The following DKK2 variants were observed in gnomAD, a reference collection of about 807,000 sequenced individuals.
The protein encoded by DKK2 is dickkopf-related protein 2.
In DKK2, 11 loss-of-function variants were observed where a neutral mutation model predicts 28.1. The ratio of observed to expected loss-of-function variants is 0.39; its 90% CI spans 0.25 to 0.65. The LOEUF is 0.65. DKK2 is among the 30% of genes least tolerant of loss of function. The pLI, the probability that DKK2 is intolerant of heterozygous loss-of-function variation, is 0.47. For synonymous variants in DKK2, 135 were observed against 126.5 expected, an observed-to-expected ratio of 1.07 and a Z score of -0.45; for missense variants, 326 against 335.5, an observed-to-expected ratio of 0.97 and a Z score of 0.22.
chr4:106,944,289 G>A (rs576067884), intron 1 of DKK2, among the ~76,000 whole-genome samples: 2 of 152,122 alleles, frequency 1.3e-5, no homozygotes, highest in South Asian at 4.1e-4. Flanking sequence ...AACAAATTGA[G>A]TTAAACAAGG....
chr4:107,024,471 A>C (rs2110374951), intron 1 of DKK2, among the ~76,000 whole-genome samples: 1 of 152,276 alleles, frequency 6.6e-6, no homozygotes, highest in South Asian at 2.1e-4. Context: ...AAAAGCAAAC[A>C]AAAAAACTTC....
At chr4:106,970,665 T>G (rs1022309594) in intron 1 of DKK2, among the ~76,000 whole-genome samples, 5 of 152,048 alleles carry the variant, frequency 3.3e-5, no homozygotes, top group Non-Finnish European at 7.4e-5. Flanking sequence ...ATCTTGTTTG[T>G]GGACTGCTAT....
chr4:106,949,842 T>G (rs1252854303), intron 1 of DKK2, among the ~76,000 whole-genome samples: 1 of 152,208 alleles, frequency 6.6e-6, no homozygotes, highest in African/African-American at 2.4e-5. Context: ...TGTGTCTATC[T>G]ATTAGGACCA....
At chr4:106,950,262 C>A (rs1366530116) in intron 1 of DKK2, among the ~76,000 whole-genome samples, 1 of 152,126 alleles carries the variant, frequency 6.6e-6, no homozygotes, top group African/African-American at 2.4e-5. Context: ...AACCTTGGAG[C>A]AATTCTAATT....
At chr4:107,002,119 C>A (rs79618406) in intron 1 of DKK2, among the ~76,000 whole-genome samples, 3,198 of 152,144 alleles carry the variant, frequency 0.021, 121 homozygotes, top group African/African-American at 0.073. Context: ...CATCTTCCTT[C>A]AAAGAAAAGA....
At chr4:106,936,564 T>G (rs1560575279) in intron 1 of DKK2, among the ~76,000 whole-genome samples, 1 of 152,176 alleles carries the variant, frequency 6.6e-6, no homozygotes, top group African/African-American at 2.4e-5. Flanking sequence ...CCAGGAGAAC[T>G]TCCCCAATCT....
intron 1 of DKK2, among the ~76,000 whole-genome samples, chr4:107,034,324 G>A (rs1168011022): frequency 3.1e-4 from 47 of 152,002 alleles, no homozygotes; most frequent in Non-Finnish European, 4.4e-5. Flanking sequence ...CTTGTGTTGT[G>A]CGAGGTGCGT....
At chr4:107,003,746 C>T (rs1224214048) in intron 1 of DKK2, among the ~76,000 whole-genome samples, 2 of 152,214 alleles carry the variant, frequency 1.3e-5, no homozygotes, top group African/African-American at 4.8e-5. Context: ...TAACCTGTCT[C>T]AGGACCGGGT....
At chr4:106,989,544 C>T (rs1266020513) in intron 1 of DKK2, among the ~76,000 whole-genome samples, 2 of 152,116 alleles carry the variant, frequency 1.3e-5, no homozygotes, top group East Asian at 3.9e-4. Context: ...GAACATTTTT[C>T]AGAATTATTC....
intron 1 of DKK2, among the ~76,000 whole-genome samples, chr4:106,946,615 C>T (rs1423587124): frequency 6.6e-6 from 1 of 152,076 alleles, no homozygotes; most frequent in Non-Finnish European, 1.5e-5. Context: ...TCTCAAATCT[C>T]TTGGTTCCTA....
At position 107,008,915 on chromosome 4, in the gene DKK2, G is replaced by A. The variant is rs576683143; in HGVS notation, c.222+26455C>T. Among the ~76,000 whole-genome samples, 16 of 151,986 alleles carry A rather than the reference G, an allele frequency of 1.1e-4. No individual in the cohort carries two copies. The South Asian group carries it at 2.5e-3, about 24-fold the overall frequency. On this transcript the variant is annotated intron_variant, in intron 1 of 3. Transcript: ENST00000285311. The stretch of plus-strand genomic sequence containing the variant: ...TCAGGCAGAAATATGACATAGAAAC[G>A]TAATCAAAACTAGATTATCTAACAG...
intron 1 of DKK2, among the ~76,000 whole-genome samples, chr4:106,966,066 G>A (rs1172279067): frequency 6.6e-6 from 1 of 152,050 alleles, no homozygotes; most frequent in Non-Finnish European, 1.5e-5. Flanking sequence ...ACGTGTGCAT[G>A]TGTCTTTACC....
chr4:106,973,748 A>G (rs533760744), intron 1 of DKK2, among the ~76,000 whole-genome samples: 2 of 152,064 alleles, frequency 1.3e-5, no homozygotes, highest in South Asian at 4.2e-4. Flanking sequence ...ATTAGATCCC[A>G]TTTGTCTATT....
At chr4:106,933,960 ATG>A (rs138368758) in intron 1 of DKK2, among the ~76,000 whole-genome samples, 9,812 of 146,060 alleles carry the variant, frequency 0.067, 334 homozygotes, top group Non-Finnish European at 0.081. Context: ...TTTCCTGTAA[ATG>A]TGTGTGTGTG....
chr4:107,027,247 T>C (rs1018651586), intron 1 of DKK2, among the ~76,000 whole-genome samples: 5 of 152,294 alleles, frequency 3.3e-5, no homozygotes, highest in Middle Eastern at 3.4e-3. Context: ...AATGTGATTG[T>C]AATTTCAGGT....
At chr4:106,941,123 C>A (rs9995420) in intron 1 of DKK2, among the ~76,000 whole-genome samples, 9,332 of 151,454 alleles carry the variant, frequency 0.062, 313 homozygotes, top group Non-Finnish European at 0.074. Context: ...AATAAAATAA[C>A]AAAATAAAAA....
intron 1 of DKK2, 97 bp from the exon 2 acceptor site, chr4:106,926,046 A>G (rs886263545): frequency 1.5e-6 from 2 of 1,326,454 alleles, no homozygotes; most frequent in Admixed American, 2.7e-5. Context: ...ATGAATCACA[A>G]TATATCTCAC....
rs148298937 is a variant in DKK2, at chr4:106,926,014, C to G, written c.223-65G>C. The G allele has an allele frequency of 1.9e-4, 285 of 1,483,660 alleles. No homozygotes were observed. In the East Asian group the frequency reaches 3.0e-3, roughly 16 times the overall value. 91.9% of individuals were successfully genotyped at this position (1,483,660 alleles called of 1,614,324 possible). On this transcript the variant is annotated intron_variant, in intron 1 of 3. Coordinates refer to ENST00000285311, the MANE Select transcript of DKK2 (RefSeq NM_014421.3). ...ATCGTGTTTCACTTATGAAACATTA[C>G]TATAGCAAATCATGATAGAAAATGA...
intron 1 of DKK2, among the ~76,000 whole-genome samples, chr4:106,955,501 C>G (rs1050534065): frequency 3.9e-5 from 6 of 152,158 alleles, no homozygotes; most frequent in African/African-American, 1.4e-4. Context: ...GAATTACACC[C>G]AACACACATC....
Sources: gnomAD v4.1 joint callset for allele counts (sites outside exome capture counted in the v4.1 genomes callset) on GRCh38, gnomAD v4.1.1 for gene constraint, MANE v1.5 for transcripts, NCBI Gene and HGNC (gene_info 2026-07-23, HGNC 2026-07-21) for gene names.